Variants in CCSER2 observed in about 807,000 individuals in gnomAD.
CCSER2 encodes the protein serine-rich coiled-coil domain-containing protein 2.
A neutral mutation model predicts 92.3 loss-of-function variants in CCSER2; 46 were observed. The ratio of observed to expected loss-of-function variants is 0.50; its 90% CI spans 0.39 to 0.64. The LOEUF is 0.64. CCSER2 is among the 30% of genes least tolerant of loss of function. The pLI is 0.00. For missense variants in CCSER2, 1,244 were observed against 1,238.9 expected, an observed-to-expected ratio of 1.00 and a Z score of -0.06; for synonymous variants, 433 against 431.4, an observed-to-expected ratio of 1.00 and a Z score of -0.04.
chr10:84,477,758 T>G, intron 9 of CCSER2, 94 bp downstream of exon 9: 1 of 715,728 alleles, frequency 1.4e-6, no homozygotes, highest in Non-Finnish European at 2.4e-6. Context: ...TGATTTTGAA[T>G]CTGTCATGGC....
intron 9 of CCSER2, among the ~76,000 whole-genome samples, chr10:84,481,545 T>G (rs1438507232): frequency 6.6e-6 from 1 of 152,184 alleles, no homozygotes; most frequent in Non-Finnish European, 1.5e-5. Flanking sequence ...TTATTATTTG[T>G]GAGACTGAAC....
At chr10:84,333,141 T>C (rs957916559) in intron 1 of CCSER2, among the ~76,000 whole-genome samples, 11 of 152,222 alleles carry the variant, frequency 7.2e-5, no homozygotes, top group African/African-American at 2.7e-4. Context: ...AATATATTGG[T>C]TAATTGAAAT....
At chr10:84,414,315 C>A (rs1336748840) in intron 3 of CCSER2, among the ~76,000 whole-genome samples, 1 of 152,068 alleles carries the variant, frequency 6.6e-6, no homozygotes, top group African/African-American at 2.4e-5. Flanking sequence ...TTAGTGCTTC[C>A]GTCAGGAGCT....
intron 1 of CCSER2, among the ~76,000 whole-genome samples, chr10:84,347,440 C>G (rs553419537): frequency 1.4e-5 from 2 of 146,878 alleles, no homozygotes; most frequent in Non-Finnish European, 3.0e-5. Context: ...CCGGACGGGT[C>G]GGCTGGCCGG....
intron 3 of CCSER2, among the ~76,000 whole-genome samples, chr10:84,380,693 T>C (rs1242867420): frequency 2.1e-5 from 3 of 145,740 alleles, no homozygotes; most frequent in African/African-American, 7.5e-5. Context: ...GTGTTCCTTT[T>C]CTTTTTTTTT....
intron 1 of CCSER2, among the ~76,000 whole-genome samples, chr10:84,370,405 G>T (rs1448340620): frequency 2.6e-5 from 4 of 152,008 alleles, no homozygotes; most frequent in African/African-American, 2.4e-5. Flanking sequence ...TGGTCAAAGG[G>T]ATTGAGTTCT....
At chr10:84,498,636 A>G (rs2131831404) in intron 9 of CCSER2, among the ~76,000 whole-genome samples, 1 of 152,346 alleles carries the variant, frequency 6.6e-6, no homozygotes, top group East Asian at 1.9e-4. Flanking sequence ...TTAAACTATT[A>G]TCGTAATTTT....
chr10:84,349,380 A>C (rs1844734462), intron 1 of CCSER2, among the ~76,000 whole-genome samples: 2 of 151,950 alleles, frequency 1.3e-5, no homozygotes. Flanking sequence ...ATATCTTGAA[A>C]CCCATCTATT....
At chr10:84,430,041 G>A (rs1233746895) in intron 5 of CCSER2, among the ~76,000 whole-genome samples, 1 of 151,940 alleles carries the variant, frequency 6.6e-6, no homozygotes, top group East Asian at 1.9e-4. Context: ...TTGATTAGTG[G>A]TCAGCTAATG....
At chr10:84,369,146 T>G (rs1845934112) in intron 1 of CCSER2, among the ~76,000 whole-genome samples, 1 of 92,764 alleles carries the variant, frequency 1.1e-5, no homozygotes, top group Non-Finnish European at 2.4e-5. Flanking sequence ...ATATGCAGGT[T>G]TTTTTTTTTT....
intron 3 of CCSER2, among the ~76,000 whole-genome samples, chr10:84,399,126 C>A (rs762966034): frequency 1.3e-5 from 2 of 151,924 alleles, no homozygotes; most frequent in Admixed American, 6.6e-5. Flanking sequence ...TTTAGCATAC[C>A]CATCACCTGA....
chr10:84,391,759 C>A, intron 3 of CCSER2: 1 of 1,536,370 alleles, frequency 6.5e-7, no homozygotes, highest in Non-Finnish European at 9.0e-7. Flanking sequence ...AGTATGAAGA[C>A]CCTGGTGCAC....
chr10:84,338,101 T>C (rs1843941673), intron 1 of CCSER2, among the ~76,000 whole-genome samples: 1 of 151,794 alleles, frequency 6.6e-6, no homozygotes, highest in East Asian at 1.9e-4. Context: ...ACCAACATGG[T>C]GAAACCCCAT....
chr10:84,368,885 T>C (rs553072237), intron 1 of CCSER2, among the ~76,000 whole-genome samples: 1 of 152,284 alleles, frequency 6.6e-6, no homozygotes, highest in African/African-American at 2.4e-5. Context: ...TTCCTCTCTG[T>C]ATGCCTTTGC....
chr10:84,412,663 C>T (rs1464697877), intron 3 of CCSER2, among the ~76,000 whole-genome samples: 2 of 152,038 alleles, frequency 1.3e-5, no homozygotes, highest in African/African-American at 2.4e-5. Flanking sequence ...CTGTGAAGGC[C>T]CTGAGTTCTG....
At chr10:84,354,225 A>T (rs1428873538) in intron 1 of CCSER2, among the ~76,000 whole-genome samples, 1 of 149,320 alleles carries the variant, frequency 6.7e-6, no homozygotes. Context: ...AAAAAACAAG[A>T]TTACGTCTAT....
chr10:84,446,951 C>T (rs927185859), intron 6 of CCSER2, among the ~76,000 whole-genome samples: 1 of 151,146 alleles, frequency 6.6e-6, no homozygotes, highest in African/African-American at 2.4e-5. Context: ...TTTCATTTCT[C>T]TATTGGTGCT....
intron 1 of CCSER2, among the ~76,000 whole-genome samples, chr10:84,355,268 T>C (rs2133088397): frequency 6.6e-6 from 1 of 152,330 alleles, no homozygotes. Flanking sequence ...ATTTTTCCAC[T>C]ATTCTTCCTT....
At chr10:84,372,665 CAATATT>C (rs1200170637) in intron 2 of CCSER2, among the ~76,000 whole-genome samples, 196 bp downstream of exon 2, 1 of 152,102 alleles carries the variant, frequency 6.6e-6, no homozygotes, top group African/African-American at 2.4e-5. Flanking sequence ...CTATCCAAGA[CAATATT>C]AATAAAACCA....
Sources: allele counts gnomAD v4.1 joint callset (sites outside exome capture counted in the v4.1 genomes callset), GRCh38; gene constraint gnomAD v4.1.1; transcripts MANE v1.5; gene names NCBI Gene and HGNC (gene_info 2026-07-23, HGNC 2026-07-21).